C8orf89: variants seen among roughly 807,000 people sequenced by gnomAD.
C8orf89 encodes putative uncharacterized protein C8orf89.
Under a neutral mutation model 15.8 loss-of-function variants are expected in C8orf89, and 14 were observed. The ratio of observed to expected loss-of-function variants is 0.89; its 90% CI spans 0.59 to 1.39. C8orf89 has a LOEUF of 1.39. Ranked by LOEUF, C8orf89 falls within the 40% of genes most tolerant of loss-of-function variation. The pLI is 0.00. For missense variants in C8orf89, 181 were observed against 184.5 expected, an observed-to-expected ratio of 0.98 and a Z score of 0.11; for synonymous variants, 55 against 62.2, an observed-to-expected ratio of 0.88 and a Z score of 0.54.
chr8:73,277,317 T>G, the C8orf89 span: 2 of 658,140 alleles, frequency 3.0e-6, no homozygotes, highest in South Asian at 4.3e-5. Flanking sequence ...TGAACGCAGA[T>G]GAATGCCCCT....
chr8:73,250,296 A>T lies in C8orf89; in HGVS notation c.309T>A (p.Ser103Arg). ...TTGATTTCTCCCAAAGTGGTGCCACACTGCATGTCTCCTTAGTCTTCTTTA... is the reference window on the plus strand; with the variant it reads ...TTGATTTCTCCCAAAGTGGTGCCACTCTGCATGTCTCCTTAGTCTTCTTTA... ...VRLKKTKETC[S>R]VAPLWEKSKG... The change falls in exon 3 of 4, where the codon AGT becomes AGA. Residue 103 changes from serine to arginine, a missense_variant. By Grantham distance (110) the Ser-to-Arg change is moderately radical. Transcript: ENST00000624510. The T allele has an allele frequency of 6.5e-7, 1 of 1,533,314 alleles. No homozygotes were observed. Among genetic ancestry groups the T allele is most frequent in the Non-Finnish European group, 8.7e-7 (1 of 1,144,866 alleles). 95.0% of individuals were successfully genotyped at this position (1,533,314 alleles called of 1,614,324 possible). A position where few individuals can be genotyped will look rare whatever the true frequency, so the allele number is the denominator to read the frequency against.
At chr8:73,281,944 C>T in the C8orf89 span, among the ~76,000 whole-genome samples, 1 of 152,196 alleles carries the variant, frequency 6.6e-6, no homozygotes, top group Non-Finnish European at 1.5e-5. Flanking sequence ...GAAGTGCTGA[C>T]GAATGGCAGA....
At chr8:73,279,448 T>G in the C8orf89 span, among the ~76,000 whole-genome samples, 1 of 152,216 alleles carries the variant, frequency 6.6e-6, no homozygotes, top group Non-Finnish European at 1.5e-5. Flanking sequence ...ATCTCTAATC[T>G]CTAGCAGCTG....
the C8orf89 span, among the ~76,000 whole-genome samples, chr8:73,274,216 C>T: frequency 2.0e-5 from 3 of 152,030 alleles, no homozygotes; most frequent in South Asian, 2.1e-4. Context: ...TGCAGTGGCG[C>T]GATCTCAGCT....
chr8:73,277,643 C>T, the C8orf89 span: 3 of 757,942 alleles, frequency 4.0e-6, no homozygotes, highest in Admixed American at 5.2e-5. Context: ...TTCTTTTCAT[C>T]CAGGAAGGTT....
intron 2 of C8orf89, among the ~76,000 whole-genome samples, chr8:73,254,845 C>A (rs1043646574): frequency 1.3e-5 from 2 of 152,110 alleles, no homozygotes; most frequent in Non-Finnish European, 2.9e-5. Context: ...TTTGACAAAC[C>A]TGAGAAAAAT....
chr8:73,257,172 T>G, intron 1 of C8orf89, 46 bp from the exon 2 acceptor site: 2 of 1,251,416 alleles, frequency 1.6e-6, no homozygotes, highest in Non-Finnish European at 2.2e-6. Context: ...TGCATACTAC[T>G]TGTTTTACTG....
intron 3 of C8orf89, 111 bp from the exon 4 acceptor site, chr8:73,241,716 A>G (rs1259975752): frequency 1.6e-5 from 14 of 897,744 alleles, no homozygotes; most frequent in Non-Finnish European, 2.2e-5. Context: ...ACTATTACAC[A>G]CTACTAGTTC....
the C8orf89 span, chr8:73,277,931 G>C: frequency 1.5e-6 from 1 of 668,864 alleles, no homozygotes. Flanking sequence ...CTGGGGCTTA[G>C]AGAGAAACAT....
At chr8:73,255,498 C>T (rs1322258687) in intron 2 of C8orf89, among the ~76,000 whole-genome samples, 1 of 150,938 alleles carries the variant, frequency 6.6e-6, no homozygotes, top group Admixed American at 6.6e-5. Context: ...TGGAGAAATC[C>T]CACTCCTTGG....
chr8:73,267,167 C>A, the C8orf89 span, among the ~76,000 whole-genome samples: 5 of 152,138 alleles, frequency 3.3e-5, no homozygotes, highest in African/African-American at 4.8e-5. Flanking sequence ...GTGGATAGTA[C>A]TGAACCCTAT....
chr8:73,241,609 G>A lies in C8orf89; in HGVS notation c.338-4C>T. 6.6e-7 allele frequency: 1 copy of A among 1,503,908 alleles called. No homozygotes were observed. The allele number at this position is 1,503,908 out of a possible 1,614,324, so 93.2% of individuals were successfully genotyped here. On this transcript the variant is annotated splice_region_variant and splice_polypyrimidine_tract_variant and intron_variant, in intron 3 of 3. Transcript: ENST00000624510. ...AGAGGATCACTGAAGCCAGAACCTGGAGGAGGAGGTGGGGAGTCAGCTATT... is the reference window on the plus strand; with the variant it reads ...AGAGGATCACTGAAGCCAGAACCTGAAGGAGGAGGTGGGGAGTCAGCTATT...
chr8:73,246,316 G>A (rs191441955), intron 3 of C8orf89, among the ~76,000 whole-genome samples: 1 of 152,342 alleles, frequency 6.6e-6, no homozygotes, highest in East Asian at 1.9e-4. Context: ...TGTTAGAAAA[G>A]AGGCTGGCAA....
the C8orf89 span, among the ~76,000 whole-genome samples, chr8:73,272,050 T>C: frequency 2.6e-5 from 4 of 152,146 alleles, no homozygotes; most frequent in Non-Finnish European, 5.9e-5. Flanking sequence ...TGATTATTAT[T>C]ATAGGCCAAG....
intron 3 of C8orf89, among the ~76,000 whole-genome samples, chr8:73,243,468 G>A (rs1028768943): frequency 6.6e-6 from 1 of 151,860 alleles, no homozygotes; most frequent in Non-Finnish European, 1.5e-5. Context: ...AAAAAAACAC[G>A]ACTAGTTTTT....
chr8:73,264,551 C>T, the C8orf89 span, among the ~76,000 whole-genome samples: 4 of 152,080 alleles, frequency 2.6e-5, no homozygotes, highest in Admixed American at 1.3e-4. Context: ...AGTGCAGTGG[C>T]GCGATCTCGG....
intron 2 of C8orf89, among the ~76,000 whole-genome samples, chr8:73,256,468 G>A (rs970785928): frequency 1.3e-5 from 2 of 151,878 alleles, no homozygotes; most frequent in Admixed American, 6.6e-5. Flanking sequence ...AGTGGCTCAC[G>A]CCTGTAATCC....
rs148944984 is a variant in C8orf89 at position 73,251,294 on chromosome 8, G to T, written c.282-971C>A. Reference sequence around the variant, plus strand: ...CAAGGAGGGAAAAAAGAGAGTAAGGGGTTGTACATAAAACGAACAAAAATG... The same window carrying T: ...CAAGGAGGGAAAAAAGAGAGTAAGGTGTTGTACATAAAACGAACAAAAATG... On this transcript the variant is annotated intron_variant, in intron 2 of 3. Coordinates refer to ENST00000624510, the MANE Select transcript of C8orf89 (RefSeq NM_001243237.3). Among the ~76,000 whole-genome samples the T allele has an allele frequency of 1.3e-5, 2 of 152,214 alleles. 1 individual carries two copies. Among genetic ancestry groups the T allele is most frequent in the Non-Finnish European group, 2.9e-5 (2 of 68,010 alleles).
At chr8:73,280,516 A>G in the C8orf89 span, among the ~76,000 whole-genome samples, 3 of 152,096 alleles carry the variant, frequency 2.0e-5, no homozygotes, top group Non-Finnish European at 4.4e-5. Context: ...GATTACAGGC[A>G]CATGGCCCCA....
Sources: gnomAD v4.1 joint callset for allele counts (sites outside exome capture counted in the v4.1 genomes callset) on GRCh38, gnomAD v4.1.1 for gene constraint, MANE v1.5 for transcripts, NCBI Gene and HGNC (gene_info 2026-07-23, HGNC 2026-07-21) for gene names.